MEGF10: variants seen among roughly 807,000 people sequenced by gnomAD.
MEGF10 encodes multiple EGF like domains 10, also known as multiple epidermal growth factor-like domains protein 10.
A neutral mutation model predicts 147.5 loss-of-function variants in MEGF10; 86 were observed. The ratio of observed to expected loss-of-function variants is 0.58; its 90% CI spans 0.49 to 0.70. The LOEUF is 0.70. Ranked by LOEUF, MEGF10 falls within the 30% of genes least tolerant of loss-of-function variation. The pLI is 0.00. For synonymous variants in MEGF10, 478 were observed against 525.5 expected (o/e 0.91, Z 1.24); for missense variants, 1,329 against 1,487.3 (o/e 0.89, Z 1.75).
chr5:127,342,694 A>T (rs763382644), intron 4 of MEGF10, among the ~76,000 whole-genome samples: 2 of 152,160 alleles, frequency 1.3e-5, no homozygotes, highest in Non-Finnish European at 2.9e-5. Context: ...CTGAAATTAC[A>T]TGGGTAAAAA....
intron 1 of MEGF10, among the ~76,000 whole-genome samples, chr5:127,330,789 A>T (rs978287452): frequency 1.3e-5 from 2 of 152,140 alleles, no homozygotes; most frequent in African/African-American, 4.8e-5. Context: ...GATGACTAGG[A>T]TGGAGCAGGC....
At chr5:127,259,427 C>T in the MEGF10 span, among the ~76,000 whole-genome samples, 2 of 152,160 alleles carry the variant, frequency 1.3e-5, no homozygotes, top group African/African-American at 2.4e-5. Context: ...TTGAGTTGCA[C>T]TGAAATGTCA....
At chr5:127,329,937 C>T (rs984976427) in intron 1 of MEGF10, among the ~76,000 whole-genome samples, 3 of 152,156 alleles carry the variant, frequency 2.0e-5, no homozygotes, top group African/African-American at 7.2e-5. Context: ...CAGGTCCTAG[C>T]ATATCGTATG....
At chr5:127,280,082 C>A in the MEGF10 span, among the ~76,000 whole-genome samples, 3 of 152,020 alleles carry the variant, frequency 2.0e-5, no homozygotes, top group Admixed American at 1.3e-4. Flanking sequence ...TGTTTTCTTT[C>A]AAAAATACTT....
At chr5:127,389,745 G>A (rs1189750243) in intron 5 of MEGF10, among the ~76,000 whole-genome samples, 1 of 152,062 alleles carries the variant, frequency 6.6e-6, no homozygotes, top group Non-Finnish European at 1.5e-5. Context: ...ACATAAAGAG[G>A]AACAACAGAC....
intron 20 of MEGF10, among the ~76,000 whole-genome samples, chr5:127,446,134 G>A (rs1381530521): frequency 6.6e-6 from 1 of 152,170 alleles, no homozygotes; most frequent in East Asian, 1.9e-4. Flanking sequence ...ATCGTTAACT[G>A]AAGGGAACAA....
intron 2 of MEGF10, among the ~76,000 whole-genome samples, chr5:127,331,682 G>A (rs2126784788): frequency 6.6e-6 from 1 of 152,244 alleles, no homozygotes; most frequent in Middle Eastern, 3.4e-3. Flanking sequence ...GACATTAATA[G>A]CACAATTAAA....
intron 1 of MEGF10, among the ~76,000 whole-genome samples, chr5:127,318,758 G>A (rs977049543): frequency 6.6e-6 from 1 of 152,104 alleles, no homozygotes; most frequent in African/African-American, 2.4e-5. Context: ...ATGCTGGTAA[G>A]CCTATAAAAG....
intron 1 of MEGF10, among the ~76,000 whole-genome samples, chr5:127,330,255 A>G (rs1366485631): frequency 6.6e-6 from 1 of 152,126 alleles, no homozygotes; most frequent in East Asian, 1.9e-4. Flanking sequence ...GCCTCCCTCC[A>G]AGAGCCTCCC....
the MEGF10 span, among the ~76,000 whole-genome samples, chr5:127,279,628 A>G: frequency 1.1e-4 from 17 of 152,128 alleles, no homozygotes; most frequent in African/African-American, 4.1e-4. Flanking sequence ...ATCCCTGTCT[A>G]ATTACTGCCT....
In MEGF10 at chr5:127,399,976, C is replaced by T. The variant is rs73783787; in HGVS notation, c.780+1180C>T. On this transcript the variant is annotated intron_variant, in intron 7 of 24. Transcript: ENST00000503335. Reference sequence around the variant, plus strand: ...CACCCCAACCTTGATAACCTATAGACACAAAGCCACCGTCTCTTTGGGCAA... The same window carrying T: ...CACCCCAACCTTGATAACCTATAGATACAAAGCCACCGTCTCTTTGGGCAA... 6.3e-3 allele frequency among the ~76,000 whole-genome samples: 961 copies of T among 152,294 alleles called. 9 individuals carry two copies. The highest frequency in any genetic ancestry group is 0.022 in the African/African-American group (915 of 41,566).
intron 5 of MEGF10, among the ~76,000 whole-genome samples, chr5:127,372,374 T>G (rs1325820898): frequency 6.6e-6 from 1 of 152,238 alleles, no homozygotes; most frequent in Non-Finnish European, 1.5e-5. Flanking sequence ...TCCTGTGTGC[T>G]CAAACCCAGT....
intron 1 of MEGF10, among the ~76,000 whole-genome samples, chr5:127,309,574 A>G (rs1004547723): frequency 6.6e-6 from 1 of 152,248 alleles, no homozygotes; most frequent in African/African-American, 2.4e-5. Flanking sequence ...GATTTTACTT[A>G]GAAATAATGT....
Position 127,314,812 on chromosome 5 carries a change from A to G in MEGF10, c.-18-16479A>G, listed in dbSNP as rs572021746. ...GTATGGTTTACATTCATTAGATTTT[A>G]TTTTCCTGTTTAAGTTAAATGATTA... On this transcript the variant is annotated intron_variant, in intron 1 of 24. Transcript: ENST00000503335. 3.4e-3 allele frequency among the ~76,000 whole-genome samples: 511 copies of G among 152,228 alleles called. 2 individuals are homozygous for G. In the Middle Eastern group the frequency reaches 0.061, roughly 18 times the overall value.
intron 4 of MEGF10, among the ~76,000 whole-genome samples, chr5:127,365,567 T>C (rs1762622156): frequency 6.6e-6 from 1 of 152,208 alleles, no homozygotes; most frequent in South Asian, 2.1e-4. Flanking sequence ...AGACAGACTG[T>C]CCACAGCTTT....
intron 1 of MEGF10, among the ~76,000 whole-genome samples, chr5:127,323,684 C>T (rs1191000393): frequency 6.6e-6 from 1 of 152,174 alleles, no homozygotes; most frequent in African/African-American, 2.4e-5. Flanking sequence ...TGGCCTAAAG[C>T]AACAAAGATT....
chr5:127,277,815 C>T, the MEGF10 span, among the ~76,000 whole-genome samples: 1 of 151,906 alleles, frequency 6.6e-6, no homozygotes, highest in Non-Finnish European at 1.5e-5. Flanking sequence ...AAGGATGACA[C>T]CAAGGTTTTT....
At chr5:127,457,057 G>T in intron 24 of MEGF10, 71 bp from the exon 25 acceptor site, 2 of 1,410,758 alleles carry the variant, frequency 1.4e-6, no homozygotes, top group African/African-American at 1.4e-5. Flanking sequence ...TTTGACATTT[G>T]CAAGAAATGC....
At chr5:127,236,635 C>T in the MEGF10 span, among the ~76,000 whole-genome samples, 3 of 152,192 alleles carry the variant, frequency 2.0e-5, no homozygotes, top group Non-Finnish European at 2.9e-5. Flanking sequence ...TATTCCATGC[C>T]TTAGCAAATG....
Sources: allele counts gnomAD v4.1 joint callset (sites outside exome capture counted in the v4.1 genomes callset), GRCh38; gene constraint gnomAD v4.1.1; transcripts MANE v1.5; gene names NCBI Gene and HGNC (gene_info 2026-07-23, HGNC 2026-07-21).